The following GRID1 variants were observed in gnomAD, a reference collection of about 807,000 sequenced individuals.
The protein encoded by GRID1 is glutamate ionotropic receptor delta type subunit 1.
GRID1 carries 28 observed loss-of-function variants against 98.0 expected under a neutral mutation model. The ratio of observed to expected loss-of-function variants is 0.29; its 90% CI spans 0.21 to 0.39. The LOEUF is 0.39. Ranked by LOEUF, GRID1 falls within the 10% of genes least tolerant of loss-of-function variation. The pLI, the probability that GRID1 is intolerant of heterozygous loss-of-function variation, is 1.00. For synonymous variants in GRID1, 553 were observed against 538.5 expected, an observed-to-expected ratio of 1.03 and a Z score of -0.37; for missense variants, 1,111 against 1,340.5, an observed-to-expected ratio of 0.83 and a Z score of 2.67.
rs375609053 is a variant in GRID1 at position 85,855,695 on chromosome 10, G to T, written c.1113+334C>A. Among the ~76,000 whole-genome samples the T allele has an allele frequency of 3.3e-5, 5 of 152,218 alleles. No individual in the cohort carries two copies. In the East Asian group the frequency reaches 7.7e-4, roughly 23 times the overall value. The stretch of plus-strand genomic sequence containing the variant: ...CATACAGGTGCACTCGTTTCTTGGG[G>T]AGTGGTGTTCTGCATAGAGGGGTAC... On this transcript the variant is annotated intron_variant, in intron 7 of 15. Transcript: ENST00000327946.
chr10:86,024,161 G>A (rs1317423036), intron 4 of GRID1, among the ~76,000 whole-genome samples: 1 of 152,184 alleles, frequency 6.6e-6, no homozygotes, highest in Non-Finnish European at 1.5e-5. Context: ...TCCGGGATGA[G>A]ATCATCCAGT....
rs1439288831 is a variant in GRID1 at position 86,195,054 on chromosome 10, G to A, written c.520+11310C>T. Reference sequence around the variant, plus strand: ...ACTCCGTGGGCAGCAAGGAGTGCCAGAACGCACAACCCTTGCTATGACCCG... The same window carrying A: ...ACTCCGTGGGCAGCAAGGAGTGCCAAAACGCACAACCCTTGCTATGACCCG... On this transcript the variant is annotated intron_variant, in intron 3 of 15. Coordinates refer to ENST00000327946, the MANE Select transcript of GRID1 (RefSeq NM_017551.3). The surrounding 1 kb of genome is among the most constrained non-coding windows in gnomAD (Gnocchi z 4.4). 1.3e-5 allele frequency among the ~76,000 whole-genome samples: 2 copies of A among 152,086 alleles called. No homozygotes were observed. Among genetic ancestry groups the A allele is most frequent in the Non-Finnish European group, 2.9e-5 (2 of 67,966 alleles).
At chr10:86,164,431 A>C (rs1212234260) in intron 3 of GRID1, among the ~76,000 whole-genome samples, 2 of 152,294 alleles carry the variant, frequency 1.3e-5, no homozygotes, top group East Asian at 1.9e-4. Flanking sequence ...TTCATTCATT[A>C]ATTCATTCAT....
intron 2 of GRID1, among the ~76,000 whole-genome samples, chr10:86,235,946 T>A (rs1289627708): frequency 6.6e-6 from 1 of 152,260 alleles, no homozygotes; most frequent in Non-Finnish European, 1.5e-5. Context: ...GAAGTATATG[T>A]GTTTATCTTT....
chr10:86,193,835 ACCTC>A (rs1164538157), intron 3 of GRID1, among the ~76,000 whole-genome samples: 4 of 149,648 alleles, frequency 2.7e-5, no homozygotes. Context: ...AGCCCTCACC[ACCTC>A]CCTCCCTCCC....
rs1842235207 is a variant in GRID1, at chr10:85,769,609, T to C, written c.1234-39995A>G. Among the ~76,000 whole-genome samples the C allele has an allele frequency of 2.6e-5, 4 of 152,204 alleles. No individual in the cohort carries two copies. In the South Asian group the frequency reaches 8.3e-4, roughly 32 times the overall value. On this transcript the variant is annotated intron_variant, in intron 8 of 15. Coordinates refer to ENST00000327946, the MANE Select transcript of GRID1 (RefSeq NM_017551.3). ...AACAGACGGCACCTGGGAAATCGGG[T>C]CACACCCACCCCAATACTGTGCTTT...
At chr10:86,094,170 C>A (rs994474458) in intron 4 of GRID1, among the ~76,000 whole-genome samples, 2 of 152,138 alleles carry the variant, frequency 1.3e-5, no homozygotes, top group African/African-American at 4.8e-5. Context: ...AAACTCTCAG[C>A]AAAATCAGCA....
chr10:85,979,516 T>C (rs953765183), intron 4 of GRID1, among the ~76,000 whole-genome samples: 3 of 152,160 alleles, frequency 2.0e-5, no homozygotes, highest in African/African-American at 7.2e-5. Flanking sequence ...CTTCCTGGCT[T>C]GTAGATAGCC....
intron 2 of GRID1, among the ~76,000 whole-genome samples, chr10:86,250,069 GTGGGTGGATAGATGGA>G (rs1169205233): frequency 2.0e-5 from 3 of 152,174 alleles, no homozygotes; most frequent in Non-Finnish European, 4.4e-5. Context: ...GGGTAGCTGG[GTGGGTGGATAGATGGA>G]TGGGTGAGTA....
intron 3 of GRID1, among the ~76,000 whole-genome samples, chr10:86,156,063 T>C (rs1257815680): frequency 6.6e-6 from 1 of 152,208 alleles, no homozygotes; most frequent in Non-Finnish European, 1.5e-5. Context: ...TAGAGACAGC[T>C]GCAACAAGCT....
intron 2 of GRID1, among the ~76,000 whole-genome samples, chr10:86,209,055 AG>A (rs1270176761): frequency 6.6e-6 from 1 of 152,238 alleles, no homozygotes; most frequent in Non-Finnish European, 1.5e-5. Flanking sequence ...GTCATAAAAA[AG>A]GTAGGTGAAA....
intron 3 of GRID1, among the ~76,000 whole-genome samples, chr10:86,187,618 T>C (rs1845743674): frequency 6.6e-6 from 1 of 152,224 alleles, no homozygotes; most frequent in South Asian, 2.1e-4. Context: ...GGTAATGTTC[T>C]TGGCATCTGT....
intron 4 of GRID1, among the ~76,000 whole-genome samples, chr10:86,127,621 G>A (rs1245219274): frequency 6.6e-6 from 1 of 152,164 alleles, no homozygotes; most frequent in African/African-American, 2.4e-5. Flanking sequence ...ACCACAAGCT[G>A]GTTCTCAACC....
chr10:85,984,159 G>C (rs570688333), intron 4 of GRID1, among the ~76,000 whole-genome samples: 2 of 152,096 alleles, frequency 1.3e-5, no homozygotes, highest in East Asian at 3.9e-4. Flanking sequence ...CCATCTCCCT[G>C]GCTTCATCCC....
At chr10:86,341,056 G>A (rs1017647629) in intron 2 of GRID1, among the ~76,000 whole-genome samples, 6 of 152,008 alleles carry the variant, frequency 3.9e-5, no homozygotes, top group African/African-American at 4.8e-5. Flanking sequence ...TGCCTTCCCC[G>A]ACCCCCACTC....
At position 85,771,079 on chromosome 10, in the gene GRID1, C is replaced by T. The variant is rs550607542; in HGVS notation, c.1234-41465G>A. ...GTTAAGGGCAGCCAGAGAGAAAGGT[C>T]GGGTTACCCACAAAGGGAAGCCCAT... On this transcript the variant is annotated intron_variant, in intron 8 of 15. Transcript: ENST00000327946. Among the ~76,000 whole-genome samples the T allele has an allele frequency of 8.9e-4, 135 of 152,232 alleles. 1 individual carries two copies. Among genetic ancestry groups the T allele is most frequent in the Middle Eastern group, 3.4e-3 (1 of 294 alleles).
At chr10:85,690,721 T>C (rs1343240578) in intron 12 of GRID1, among the ~76,000 whole-genome samples, 1 of 152,190 alleles carries the variant, frequency 6.6e-6, no homozygotes, top group Non-Finnish European at 1.5e-5. Flanking sequence ...AAATAAATCA[T>C]TTGTAAATGT....
At chr10:85,991,025 C>T (rs200238160) in intron 4 of GRID1, among the ~76,000 whole-genome samples, 1 of 152,144 alleles carries the variant, frequency 6.6e-6, no homozygotes, top group Non-Finnish European at 1.5e-5. Flanking sequence ...GTAGGAAGCA[C>T]GATCTTGTAC....
chr10:86,005,981 T>C (rs1382913746), intron 4 of GRID1, among the ~76,000 whole-genome samples: 4 of 152,246 alleles, frequency 2.6e-5, no homozygotes, highest in Non-Finnish European at 5.9e-5. Context: ...AGAATTTTCA[T>C]GAACCCTAAT....
Sources: gnomAD v4.1 joint callset for allele counts (sites outside exome capture counted in the v4.1 genomes callset) on GRCh38, gnomAD v4.1.1 for gene constraint, Gnocchi (gnomAD v3.1) non-coding constraint, MANE v1.5 for transcripts, NCBI Gene and HGNC (gene_info 2026-07-23, HGNC 2026-07-21) for gene names.